ZNF804B: variants seen among roughly 807,000 people sequenced by gnomAD.
ZNF804B encodes zinc finger protein 804B, also known as zinc finger 804B.
In ZNF804B, 80 loss-of-function variants were observed where a neutral mutation model predicts 101.4. That is an observed-to-expected ratio of 0.79 (90% confidence interval 0.66 to 0.95). ZNF804B has a LOEUF of 0.95. Ranked by LOEUF, ZNF804B falls within the 40% of genes least tolerant of loss-of-function variation. ZNF804B has a pLI of 0.00. For missense variants in ZNF804B, 1,673 were observed against 1,561.9 expected, an observed-to-expected ratio of 1.07 and a Z score of -1.20; for synonymous variants, 622 against 558.8, an observed-to-expected ratio of 1.11 and a Z score of -1.59.
chr7:89,258,689 C>G lies in ZNF804B; in HGVS notation c.249+40394C>G, dbSNP rs141736714. On this transcript the variant is annotated intron_variant, in intron 2 of 3. Coordinates refer to ENST00000333190, the MANE Select transcript of ZNF804B (RefSeq NM_181646.5). ...TAAAAGTCTACTGTTGACCACAAGCCTTAACAATAACATAAACAGTTAACA... is the reference window on the plus strand; with the variant it reads ...TAAAAGTCTACTGTTGACCACAAGCGTTAACAATAACATAAACAGTTAACA... 2.7e-3 allele frequency among the ~76,000 whole-genome samples: 407 copies of G among 152,176 alleles called. 1 individual carries two copies. The highest frequency in any genetic ancestry group is 8.8e-3 in the African/African-American group (364 of 41,524).
chr7:89,133,704 C>A (rs553769123), intron 1 of ZNF804B, among the ~76,000 whole-genome samples: 1 of 152,158 alleles, frequency 6.6e-6, no homozygotes, highest in Non-Finnish European at 1.5e-5. Context: ...AGACCCTTTA[C>A]AAGCAAATAG....
chr7:89,184,308 C>T (rs957385755), intron 1 of ZNF804B, among the ~76,000 whole-genome samples: 1 of 152,008 alleles, frequency 6.6e-6, no homozygotes, highest in Admixed American at 6.6e-5. Flanking sequence ...ATCTGCAAAC[C>T]AAGTCCAGCA....
chr7:89,098,272 ATTT>A (rs10717565), intron 1 of ZNF804B, among the ~76,000 whole-genome samples: 26 of 141,502 alleles, frequency 1.8e-4, no homozygotes, highest in Admixed American at 2.8e-4. Context: ...CATCATCATA[ATTT>A]TTTTTTTTTT....
rs556587085 is a variant in ZNF804B at position 88,840,651 on chromosome 7, C to T, written c.108+80567C>T. 3.3e-5 allele frequency among the ~76,000 whole-genome samples: 5 copies of T among 152,018 alleles called. No individual in the cohort carries two copies. In the East Asian group the frequency reaches 5.8e-4, roughly 18 times the overall value. On this transcript the variant is annotated intron_variant, in intron 1 of 3. Coordinates refer to ENST00000333190, the MANE Select transcript of ZNF804B (RefSeq NM_181646.5). ...CCATTTTCTATCAGATTAACTTTTCCGGGATAGTTTTGAACTGAGATGAGA... is the reference window on the plus strand; with the variant it reads ...CCATTTTCTATCAGATTAACTTTTCTGGGATAGTTTTGAACTGAGATGAGA...
intron 1 of ZNF804B, among the ~76,000 whole-genome samples, chr7:88,855,127 C>G (rs986351663): frequency 2.6e-5 from 4 of 151,926 alleles, no homozygotes; most frequent in East Asian, 2.0e-4. Context: ...CCAGTAATGG[C>G]ATTGCTGGGT....
intron 2 of ZNF804B, among the ~76,000 whole-genome samples, chr7:89,262,432 A>G (rs748506559): frequency 1.3e-5 from 2 of 152,154 alleles, no homozygotes; most frequent in South Asian, 2.1e-4. Flanking sequence ...CTATATGACC[A>G]TGGGTAAGTT....
intron 2 of ZNF804B, among the ~76,000 whole-genome samples, chr7:89,322,747 T>G (rs979242820): frequency 2.0e-5 from 3 of 152,200 alleles, no homozygotes; most frequent in Non-Finnish European, 4.4e-5. Context: ...CTATTTTGTC[T>G]TATATATCTT....
chr7:88,920,074 A>G (rs1387522393), intron 1 of ZNF804B, among the ~76,000 whole-genome samples: 2 of 152,076 alleles, frequency 1.3e-5, no homozygotes, highest in African/African-American at 4.8e-5. Flanking sequence ...TCATCACTAA[A>G]ATACAACCAC....
intron 1 of ZNF804B, among the ~76,000 whole-genome samples, chr7:88,994,427 C>T (rs1316748275): frequency 6.6e-6 from 1 of 151,946 alleles, no homozygotes; most frequent in African/African-American, 2.4e-5. Flanking sequence ...CAGTGTTTTT[C>T]AGCTATTTCA....
intron 1 of ZNF804B, among the ~76,000 whole-genome samples, chr7:88,951,673 C>CTATA (rs1396661844): frequency 2.0e-5 from 3 of 151,792 alleles, no homozygotes; most frequent in Non-Finnish European, 4.4e-5. Flanking sequence ...TTTCTATAAA[C>CTATA]TATATATACA....
intron 1 of ZNF804B, among the ~76,000 whole-genome samples, chr7:88,815,936 T>C (rs1790868353): frequency 6.6e-6 from 1 of 152,176 alleles, no homozygotes; most frequent in South Asian, 2.1e-4. Flanking sequence ...TCTCAAAATG[T>C]GGACACTTTC....
chr7:89,274,942 C>T (rs1266707329), intron 2 of ZNF804B, among the ~76,000 whole-genome samples: 1 of 151,888 alleles, frequency 6.6e-6, no homozygotes, highest in Non-Finnish European at 1.5e-5. Context: ...CCTTATTTAT[C>T]CTTAGTAATC....
At chr7:89,294,154 C>T (rs752636060) in intron 2 of ZNF804B, among the ~76,000 whole-genome samples, 24 of 152,238 alleles carry the variant, frequency 1.6e-4, no homozygotes, top group Non-Finnish European at 2.6e-4. Context: ...AAAGTAGTTA[C>T]GATTCAGTAG....
In ZNF804B at chr7:89,186,622, T is replaced by C. The variant is rs560761581; in HGVS notation, c.109-31533T>C. Among the ~76,000 whole-genome samples the C allele has an allele frequency of 1.5e-4, 22 of 149,806 alleles. No individual in the cohort carries two copies. The East Asian group carries it at 3.7e-3, about 25-fold the overall frequency. On this transcript the variant is annotated intron_variant, in intron 1 of 3. Coordinates refer to ENST00000333190, the MANE Select transcript of ZNF804B (RefSeq NM_181646.5). ...GCTTTTAAGTGTTACTTTTTTTTTT[T>C]ACAATCTTCTTTTGTATATAAAAGG...
At chr7:88,910,399 G>A (rs1433016383) in intron 1 of ZNF804B, among the ~76,000 whole-genome samples, 1 of 151,848 alleles carries the variant, frequency 6.6e-6, no homozygotes, top group African/African-American at 2.4e-5. Flanking sequence ...ATTTCTAATA[G>A]TTCCCTAAGA....
intron 1 of ZNF804B, among the ~76,000 whole-genome samples, chr7:89,031,526 G>A (rs1032258239): frequency 6.6e-6 from 1 of 151,932 alleles, no homozygotes; most frequent in African/African-American, 2.4e-5. Context: ...ATATAATATG[G>A]ATAATGAAAA....
At chr7:88,831,691 T>G (rs1452185568) in intron 1 of ZNF804B, among the ~76,000 whole-genome samples, 2 of 151,910 alleles carry the variant, frequency 1.3e-5, no homozygotes, top group Admixed American at 6.6e-5. Flanking sequence ...TGAAAGATGC[T>G]TCTAACTCTC....
intron 1 of ZNF804B, among the ~76,000 whole-genome samples, chr7:88,887,541 T>C (rs1283948952): frequency 6.6e-6 from 1 of 152,196 alleles, no homozygotes; most frequent in Admixed American, 6.5e-5. Flanking sequence ...CTTTTCCCTA[T>C]TCCTTGTTCT....
intron 1 of ZNF804B, among the ~76,000 whole-genome samples, chr7:88,863,784 G>T (rs1791685162): frequency 6.6e-6 from 1 of 152,170 alleles, no homozygotes; most frequent in Non-Finnish European, 1.5e-5. Flanking sequence ...TCAAGGAAAG[G>T]GAAAGGCCAG....
Sources: allele counts gnomAD v4.1 joint callset (sites outside exome capture counted in the v4.1 genomes callset), GRCh38; gene constraint gnomAD v4.1.1; transcripts MANE v1.5; gene names NCBI Gene and HGNC (gene_info 2026-07-23, HGNC 2026-07-21).